HECTD4: variants seen among roughly 807,000 people sequenced by gnomAD.
The protein encoded by HECTD4 is probable E3 ubiquitin-protein ligase HECTD4.
HECTD4 carries 114 observed loss-of-function variants against 471.5 expected under a neutral mutation model. That is an observed-to-expected ratio of 0.24 (90% CI 0.21 to 0.28). The LOEUF is 0.28. Ranked by LOEUF, HECTD4 falls within the 10% of genes least tolerant of loss-of-function variation. The pLI, the probability that HECTD4 is intolerant of heterozygous loss-of-function variation, is 1.00. For synonymous variants in HECTD4, 2,012 were observed against 2,256.0 expected, an observed-to-expected ratio of 0.89 and a Z score of 3.07; for missense variants, 3,866 against 5,651.5, an observed-to-expected ratio of 0.68 and a Z score of 10.13.
intron 45 of HECTD4, among the ~76,000 whole-genome samples, chr12:112,218,510 G>A (rs1368119436): frequency 1.3e-5 from 2 of 152,134 alleles, no homozygotes; most frequent in African/African-American, 4.8e-5. Flanking sequence ...TATATAAGAT[G>A]TGGTCTTTTG....
intron 1 of HECTD4, among the ~76,000 whole-genome samples, chr12:112,323,960 T>G (rs931056900): frequency 5.8e-5 from 2 of 34,462 alleles, no homozygotes; most frequent in Admixed American, 2.9e-4. Flanking sequence ...CTTTCTTTCT[T>G]TCTTTCTTCC....
At chr12:112,180,620 C>A (rs1038487293) in intron 62 of HECTD4, among the ~76,000 whole-genome samples, 3 of 151,534 alleles carry the variant, frequency 2.0e-5, no homozygotes, top group Non-Finnish European at 4.4e-5. Context: ...CCATGCAGTA[C>A]CAAAAGACCA....
Position 112,382,117 on chromosome 12 carries a change from C to G in HECTD4, c.12G>C (p.Ser4=), listed in dbSNP as rs1010917064. MGS[S]AAAAAAAAAA... is the part of the protein sequence containing the mutation. ...CCGCCGCCGCCGCCGCCGCGGCCGC[C>G]GACGAGCCCATGGCCCCGGCTGAAG... Residue 4 remains serine (S), a synonymous_variant, in exon 1 of 76, where the codon TCG becomes TCC. Transcript: ENST00000682272. The G allele has an allele frequency of 8.2e-7, 1 of 1,224,872 alleles. No homozygotes were observed. The highest frequency in any genetic ancestry group is 1.0e-6 in the Non-Finnish European group (1 of 985,078). The allele number at this position is 1,224,872 out of a possible 1,614,324, so 75.9% of individuals were successfully genotyped here. A position where few individuals can be genotyped will look rare whatever the true frequency, so the allele number is the denominator to read the frequency against.
In HECTD4 at chr12:112,219,394, G is replaced by A. The variant is rs781683266; in HGVS notation, c.7066C>T (p.Arg2356Ter). The A allele has an allele frequency of 6.2e-7, 1 of 1,613,192 alleles. No individual in the cohort carries two copies. Among genetic ancestry groups the A allele is most frequent in the Non-Finnish European group, 8.5e-7 (1 of 1,179,436 alleles). The change falls in exon 45 of 76, where the codon CGA becomes TGA. Residue 2356 changes from arginine to a stop codon, truncating the protein, a stop_gained. Coordinates refer to ENST00000682272, the MANE Select transcript of HECTD4 (RefSeq NM_001388303.1). LOFTEE classifies it high-confidence loss of function. ...RPPPPPLQADRRQPKEITWSP... is the reference protein window; with the variant it reads ...RPPPPPLQAD ...CACCGCAGAGGGCTCACCTGTCTTC[G>A]GTCAGCCTGCAAAGGAGGTGGTGGG...
At chr12:112,198,197 A>G (rs1339506820) in intron 55 of HECTD4, among the ~76,000 whole-genome samples, 1 of 152,226 alleles carries the variant, frequency 6.6e-6, no homozygotes, top group Non-Finnish European at 1.5e-5. Context: ...GTCCTGGGAG[A>G]GCATTAAAAT....
chr12:112,348,810 C>T (rs567358088), intron 1 of HECTD4, among the ~76,000 whole-genome samples: 7 of 152,078 alleles, frequency 4.6e-5, no homozygotes, highest in South Asian at 2.1e-4. Context: ...AATAAAAGTG[C>T]ATGCATAGGT....
chr12:112,188,376 C>T lies in HECTD4; in HGVS notation c.9472+2410G>A, dbSNP rs1325025980. On this transcript the variant is annotated intron_variant, in intron 60 of 75. Transcript: ENST00000682272. The surrounding 1 kb of genome is among the most constrained non-coding windows in gnomAD (Gnocchi z 4.2). ...TCATATAATGGTGGCATGATAATGA[C>T]TGAAGTTTGGGAAACACTGTCTAGA... 2.0e-5 allele frequency among the ~76,000 whole-genome samples: 3 copies of T among 152,210 alleles called. No individual in the cohort carries two copies. Among genetic ancestry groups the T allele is most frequent in the Admixed American group, 6.5e-5 (1 of 15,276 alleles).
At chr12:112,371,737 T>G (rs2036676101) in intron 1 of HECTD4, among the ~76,000 whole-genome samples, 1 of 151,232 alleles carries the variant, frequency 6.6e-6, no homozygotes, top group African/African-American at 2.4e-5. Flanking sequence ...AACTACAAAA[T>G]GAGCTGGGCG....
chr12:112,300,055 C>A (rs2035129963), intron 7 of HECTD4, among the ~76,000 whole-genome samples: 1 of 152,170 alleles, frequency 6.6e-6, no homozygotes, highest in South Asian at 2.1e-4. Context: ...GTGGCTCACG[C>A]CTACAAGTCC....
Position 112,382,081 on chromosome 12 carries a change from G to C in HECTD4, c.48C>G (p.Asp16Glu). Residue 16 changes from aspartate to glutamate, a missense_variant, in exon 1 of 76, where the codon GAC (aspartate) becomes GAG (glutamate). By Grantham distance (45) the Asp-to-Glu change is conservative. Coordinates refer to ENST00000682272, the MANE Select transcript of HECTD4 (RefSeq NM_001388303.1). ...AAAAAAAAAA[D>E]SAQWLSVKEE... is the part of the protein sequence containing the mutation. ...CCTTCACCGAGAGCCACTGCGCCGA[G>C]TCAGCGGCCGCCGCCGCCGCCGCCG... 3 of 1,228,130 alleles carry C rather than the reference G, an allele frequency of 2.4e-6. No individual in the cohort carries two copies. The highest frequency in any genetic ancestry group is 3.0e-6 in the Non-Finnish European group (3 of 986,566). 76.1% of individuals were successfully genotyped at this position (1,228,130 alleles called of 1,614,324 possible).
chr12:112,314,569 G>T lies in HECTD4; in HGVS notation c.696-23C>A, dbSNP rs566174507. On this transcript the variant is annotated intron_variant, in intron 2 of 75. Transcript: ENST00000682272. ...CCCCTAAAAATAAAAGGAAGGAACA[G>T]TAAATCATCAAAATTTAAAATCAAA... 3.1e-5 allele frequency: 39 copies of T among 1,261,574 alleles called. No individual in the cohort carries two copies. In the South Asian group the frequency reaches 4.8e-4, roughly 16 times the overall value. 78.1% of individuals were successfully genotyped at this position (1,261,574 alleles called of 1,614,324 possible).
intron 9 of HECTD4, among the ~76,000 whole-genome samples, chr12:112,278,876 G>C (rs886641331): frequency 2.0e-5 from 3 of 152,184 alleles, no homozygotes; most frequent in African/African-American, 4.8e-5. Flanking sequence ...CTGGGTGACA[G>C]AGCAAGACTC....
chr12:112,276,648 C>T (rs993409653), intron 9 of HECTD4, among the ~76,000 whole-genome samples: 46 of 152,074 alleles, frequency 3.0e-4, no homozygotes, highest in African/African-American at 1.1e-3. Context: ...GGTTTCACCA[C>T]GTTGGCCACG....
At chr12:112,280,784 C>CTTTTT (rs569956040) in intron 8 of HECTD4, among the ~76,000 whole-genome samples, 4 of 115,244 alleles carry the variant, frequency 3.5e-5, no homozygotes, top group Admixed American at 9.1e-5. Context: ...GGAATAAAAA[C>CTTTTT]TTTTTTTTTT....
At chr12:112,218,257 G>A (rs1264035359) in intron 45 of HECTD4, among the ~76,000 whole-genome samples, 2 of 152,104 alleles carry the variant, frequency 1.3e-5, no homozygotes, top group Non-Finnish European at 2.9e-5. Flanking sequence ...TACATGGTAG[G>A]TGTATATATT....
chr12:112,179,885 C>T lies in HECTD4; in HGVS notation c.10988-488G>A, dbSNP rs1735230994. 6.6e-6 allele frequency among the ~76,000 whole-genome samples: 1 copy of T among 152,346 alleles called. No homozygotes were observed. The highest frequency in any genetic ancestry group is 1.5e-5 in the Non-Finnish European group (1 of 68,026). ...GTACAACTTGTTAAACAGGTGATCTCATTCATAGGAAATATTCTTCAAAAC... is the reference window on the plus strand; with the variant it reads ...GTACAACTTGTTAAACAGGTGATCTTATTCATAGGAAATATTCTTCAAAAC... On this transcript the variant is annotated intron_variant, in intron 62 of 75. Coordinates refer to ENST00000682272, the MANE Select transcript of HECTD4 (RefSeq NM_001388303.1). The surrounding 1 kb of genome is among the most constrained non-coding windows in gnomAD (Gnocchi z 4.3).
chr12:112,372,503 C>T (rs756160490), intron 1 of HECTD4, among the ~76,000 whole-genome samples: 8 of 37,762 alleles, frequency 2.1e-4, no homozygotes, highest in South Asian at 1.2e-3. Flanking sequence ...CCTCGTGATC[C>T]GCCCACCTGA....
intron 22 of HECTD4, among the ~76,000 whole-genome samples, chr12:112,253,634 T>G (rs1384347771): frequency 2.0e-5 from 3 of 152,238 alleles, no homozygotes; most frequent in Admixed American, 6.5e-5. Context: ...AGTTTGAGAA[T>G]GGATAATTGT....
intron 1 of HECTD4, among the ~76,000 whole-genome samples, chr12:112,378,344 G>A (rs1317219454): frequency 6.6e-6 from 1 of 151,644 alleles, no homozygotes; most frequent in Non-Finnish European, 1.5e-5. Flanking sequence ...TCAGCCTCCC[G>A]AGTAGCTGGG....
Sources: allele counts gnomAD v4.1 joint callset (sites outside exome capture counted in the v4.1 genomes callset), GRCh38; gene constraint gnomAD v4.1.1; non-coding constraint Gnocchi (gnomAD v3.1); transcripts MANE v1.5; gene names NCBI Gene and HGNC (gene_info 2026-07-23, HGNC 2026-07-21).